OIP5: variants seen among roughly 807,000 people sequenced by gnomAD.
OIP5 encodes the protein protein Mis18-beta.
Under a neutral mutation model 20.3 loss-of-function variants are expected in OIP5, and 24 were observed. That is an observed-to-expected ratio of 1.18 (90% CI 0.86 to 1.66). OIP5 has a LOEUF of 1.66. OIP5 is among the 40% of genes most tolerant of loss of function. OIP5 has a pLI of 0.00. For synonymous variants in OIP5, 143 were observed against 121.3 expected, an observed-to-expected ratio of 1.18 and a Z score of -1.17; for missense variants, 339 against 289.5, an observed-to-expected ratio of 1.17 and a Z score of -1.24.
At position 41,330,389 on chromosome 15, in the gene OIP5, C is replaced by A. The variant is rs115415716; in HGVS notation, c.389+1526G>T. 6.7e-3 allele frequency among the ~76,000 whole-genome samples: 1,014 copies of A among 151,398 alleles called. 9 individuals are homozygous for A. The highest frequency in any genetic ancestry group is 0.023 in the African/African-American group (965 of 41,230). On this transcript the variant is annotated intron_variant, in intron 2 of 4. Transcript: ENST00000220514. ...TGCTGGGATTATAGGCGTAAGCCAC[C>A]GCTCCCAGCCGTAATCAGTATTTTT...
chr15:41,326,034 C>A (rs2047859915), intron 2 of OIP5, among the ~76,000 whole-genome samples: 2 of 151,058 alleles, frequency 1.3e-5, no homozygotes, highest in African/African-American at 2.4e-5. Flanking sequence ...TGGTAGGGCA[C>A]ACCTGTCATC....
chr15:41,317,856 T>C (rs1490505201), intron 3 of OIP5, among the ~76,000 whole-genome samples: 1 of 152,108 alleles, frequency 6.6e-6, no homozygotes, highest in African/African-American at 2.4e-5. Context: ...TATTTTAAAT[T>C]TTTTGTAGAG....
chr15:41,329,063 C>CAAA lies in OIP5; in HGVS notation c.389+2849_389+2851dup, dbSNP rs1166517767. On this transcript the variant is annotated intron_variant, in intron 2 of 4. Coordinates refer to ENST00000220514, the MANE Select transcript of OIP5 (RefSeq NM_007280.2). ...CCTGGGTCAGAGCAAGACTCCATCT[C>CAAA]AAAAAAAAAAAAAAAAAAAAAAAAA... Among the ~76,000 whole-genome samples the CAAA allele has an allele frequency of 9.9e-4, 50 of 50,344 alleles. 1 individual carries two copies. Among genetic ancestry groups the CAAA allele is most frequent in the African/African-American group, 3.0e-3 (40 of 13,192 alleles). The allele number at this position is 50,344 out of a possible 152,430, so 33.0% of individuals were successfully genotyped here. A position where few individuals can be genotyped will look rare whatever the true frequency, so the allele number is the denominator to read the frequency against.
Position 41,309,685 on chromosome 15 carries a change from G to T in OIP5, c.*69C>A. 2 of 992,552 alleles carry T rather than the reference G, an allele frequency of 2.0e-6. No individual in the cohort carries two copies. The highest frequency in any genetic ancestry group is 2.9e-5 in the South Asian group (2 of 69,740). The allele number at this position is 992,552 out of a possible 1,614,324, so 61.5% of individuals were successfully genotyped here. ...TTGAAGCCAATCTTTTTCAAGAAAT[G>T]ACTAAGCAGCACCTGTTGTTGAAGA... On this transcript the variant is annotated 3_prime_UTR_variant, in exon 5 of 5. Transcript: ENST00000220514.
Position 41,329,048 on chromosome 15 carries a change from A to G in OIP5, c.389+2867T>C, listed in dbSNP as rs1439045061. ...GCCACTGTGCTCCAGCCTGGGTCAG[A>G]GCAAGACTCCATCTCAAAAAAAAAA... On this transcript the variant is annotated intron_variant, in intron 2 of 4. Coordinates refer to ENST00000220514, the MANE Select transcript of OIP5 (RefSeq NM_007280.2). 3.8e-5 allele frequency among the ~76,000 whole-genome samples: 5 copies of G among 132,830 alleles called. No individual in the cohort carries two copies. In the South Asian group the frequency reaches 1.4e-3, roughly 36 times the overall value. 87.1% of individuals were successfully genotyped at this position (132,830 alleles called of 152,430 possible).
intron 3 of OIP5, among the ~76,000 whole-genome samples, chr15:41,317,829 C>A (rs927665286): frequency 6.6e-6 from 1 of 152,142 alleles, no homozygotes; most frequent in African/African-American, 2.4e-5. Context: ...CAGGCATACA[C>A]CACCATACAC....
In OIP5 at chr15:41,330,548, C is replaced by T. The variant is rs936998572; in HGVS notation, c.389+1367G>A. On this transcript the variant is annotated intron_variant, in intron 2 of 4. Coordinates refer to ENST00000220514, the MANE Select transcript of OIP5 (RefSeq NM_007280.2). ...TCTCCTGAGTAGCTGGGACTACAGG[C>T]GCCCGCCACTATGCCTGGCTAATTT... is the stretch of plus-strand genomic sequence containing the variant. Among the ~76,000 whole-genome samples the T allele has an allele frequency of 1.1e-4, 17 of 151,510 alleles. 1 individual carries two copies. Among genetic ancestry groups the T allele is most frequent in the Admixed American group, 4.6e-4 (7 of 15,204 alleles).
intron 4 of OIP5, among the ~76,000 whole-genome samples, chr15:41,311,165 C>T (rs925929603): frequency 1.3e-5 from 2 of 152,062 alleles, no homozygotes; most frequent in Non-Finnish European, 2.9e-5. Context: ...CTCGGAAGTT[C>T]GAGAACAGCC....
At chr15:41,329,038 C>T (rs1044747972) in intron 2 of OIP5, among the ~76,000 whole-genome samples, 2 of 136,800 alleles carry the variant, frequency 1.5e-5, no homozygotes, top group Non-Finnish European at 3.0e-5. Context: ...TGTGCTCCAG[C>T]CTGGGTCAGA....
intron 4 of OIP5, among the ~76,000 whole-genome samples, chr15:41,311,165 CG>C (rs936117617): frequency 3.3e-5 from 5 of 152,062 alleles, no homozygotes; most frequent in African/African-American, 1.2e-4. Flanking sequence ...CTCGGAAGTT[CG>C]AGAACAGCCT....
chr15:41,323,789 G>A (rs1441283917), intron 2 of OIP5, among the ~76,000 whole-genome samples: 1 of 151,950 alleles, frequency 6.6e-6, no homozygotes, highest in African/African-American at 2.4e-5. Context: ...GCCAGGTAAT[G>A]ACTTCTCCTT....
intron 2 of OIP5, among the ~76,000 whole-genome samples, chr15:41,320,302 T>A (rs1030181166): frequency 6.6e-6 from 1 of 150,896 alleles, no homozygotes; most frequent in Non-Finnish European, 1.5e-5. Context: ...TCTCCCTCTC[T>A]TTCCACGGTC....
intron 1 of OIP5, 56 bp from the exon 2 acceptor site, chr15:41,332,037 T>C (rs1595506648): frequency 6.5e-7 from 1 of 1,543,732 alleles, no homozygotes; most frequent in Non-Finnish European, 9.0e-7. Context: ...AAATGGAAAA[T>C]CTCTCCTCTA....
chr15:41,319,620 T>C, intron 3 of OIP5, 38 bp downstream of exon 3: 7 of 1,563,924 alleles, frequency 4.5e-6, no homozygotes, highest in Non-Finnish European at 6.0e-6. Flanking sequence ...ATAAATAAAA[T>C]AAAATGTATT....
rs1180916308 is a variant in OIP5, at chr15:41,312,164, C to CTT, written c.594+1107_594+1108dup. On this transcript the variant is annotated intron_variant, in intron 4 of 4. Coordinates refer to ENST00000220514, the MANE Select transcript of OIP5 (RefSeq NM_007280.2). ...CCACCATGCCCAGCCTTCTTTTTTT[C>CTT]TTTTTTTTTTTTTTGAGACAGATTT... 1.6e-3 allele frequency among the ~76,000 whole-genome samples: 144 copies of CTT among 88,154 alleles called. 3 individuals carry two copies. The highest frequency in any genetic ancestry group is 4.4e-3 in the African/African-American group (139 of 31,586). The allele number at this position is 88,154 out of a possible 152,430, so 57.8% of individuals were successfully genotyped here.
intron 4 of OIP5, among the ~76,000 whole-genome samples, chr15:41,311,385 C>G (rs1415936410): frequency 1.3e-5 from 2 of 151,962 alleles, no homozygotes; most frequent in Non-Finnish European, 2.9e-5. Flanking sequence ...TGCATTCCAG[C>G]CTGGGAGGCA....
At chr15:41,332,118 T>A (rs2047929994) in intron 1 of OIP5, 122 bp downstream of exon 1, 7 of 1,347,066 alleles carry the variant, frequency 5.2e-6, no homozygotes, top group Non-Finnish European at 7.3e-6. Flanking sequence ...GCCAAGGAGT[T>A]ATTTGCTTCC....
intron 2 of OIP5, among the ~76,000 whole-genome samples, chr15:41,331,458 C>CCTGT (rs2047911198): frequency 1.3e-5 from 2 of 152,122 alleles, no homozygotes; most frequent in Admixed American, 1.3e-4. Context: ...GTGCTGTGTG[C>CCTGT]CTGTAGTCCC....
chr15:41,329,063 C>CAAAAAAAAAAAA (rs1166517767), intron 2 of OIP5, among the ~76,000 whole-genome samples: 3 of 50,354 alleles, frequency 6.0e-5, no homozygotes, highest in African/African-American at 1.5e-4. Context: ...GACTCCATCT[C>CAAAAAAAAAAAA]AAAAAAAAAA....
Sources: allele counts gnomAD v4.1 joint callset (sites outside exome capture counted in the v4.1 genomes callset), GRCh38; gene constraint gnomAD v4.1.1; transcripts MANE v1.5; gene names NCBI Gene and HGNC (gene_info 2026-07-23, HGNC 2026-07-21).